CSMD1: variants seen among roughly 807,000 people sequenced by gnomAD.
CSMD1 encodes CUB and Sushi multiple domains 1.
A neutral mutation model predicts 417.5 loss-of-function variants in CSMD1; 213 were observed. That is an observed-to-expected ratio of 0.51 (90% CI 0.46 to 0.57). CSMD1 has a LOEUF of 0.57. Ranked by LOEUF, CSMD1 falls within the 20% of genes least tolerant of loss-of-function variation. The pLI, the probability that CSMD1 is intolerant of heterozygous loss-of-function variation, is 0.00. For synonymous variants in CSMD1, 2,862 were observed against 1,736.8 expected (o/e 1.65, Z -16.11); for missense variants, 6,923 against 4,529.7 (o/e 1.53, Z -15.17).
In CSMD1 at chr8:3,348,052, G is replaced by C. The variant is rs374314633; in HGVS notation, c.3414C>G (p.Ala1138=). 1.4e-5 allele frequency: 23 copies of C among 1,611,292 alleles called. No individual in the cohort carries two copies. The African/African-American group carries it at 3.1e-4, about 21-fold the overall frequency. ...GTGTTCTAAGGTGGATGCCCTTGCC[G>C]GCTTCTGTTTCTATTTTATAGATAC... is the stretch of plus-strand genomic sequence containing the variant. ...HECIYKIETE[A]GKGIHLRTRS... The change falls in exon 22 of 70, where the codon GCC becomes GCG. Residue 1138 remains alanine, a synonymous_variant. Coordinates refer to ENST00000635120, the MANE Select transcript of CSMD1 (RefSeq NM_033225.6).
At chr8:3,997,405 T>G (rs1028238505) in intron 5 of CSMD1, among the ~76,000 whole-genome samples, 1 of 136,750 alleles carries the variant, frequency 7.3e-6, no homozygotes, top group African/African-American at 2.5e-5. Flanking sequence ...AAGATGTGTG[T>G]TAAGTTATTT....
intron 2 of CSMD1, among the ~76,000 whole-genome samples, chr8:4,604,386 T>TGTGTGTGTGTGTGTGC (rs1378870750): frequency 1.3e-5 from 1 of 75,848 alleles, no homozygotes; most frequent in Non-Finnish European, 3.9e-5. Context: ...TAGCATTGTG[T>TGTGTGTGTGTGTGTGC]GTGTGTGTGT....
intron 2 of CSMD1, among the ~76,000 whole-genome samples, chr8:4,545,425 C>T (rs1797584989): frequency 6.6e-6 from 1 of 152,108 alleles, no homozygotes; most frequent in Non-Finnish European, 1.5e-5. Context: ...AATAAGAGTC[C>T]TACATATTAG....
intron 7 of CSMD1, among the ~76,000 whole-genome samples, chr8:3,690,692 T>C (rs1339206695): frequency 6.6e-6 from 1 of 152,172 alleles, no homozygotes; most frequent in Non-Finnish European, 1.5e-5. Context: ...GGCTGAGAAG[T>C]ACATAAAGCG....
intron 5 of CSMD1, among the ~76,000 whole-genome samples, chr8:3,777,315 A>T (rs1367383578): frequency 6.6e-6 from 1 of 152,094 alleles, no homozygotes; most frequent in Non-Finnish European, 1.5e-5. Flanking sequence ...TGGACAAATG[A>T]CTGATAATCC....
At chr8:4,308,799 A>G (rs1445605690) in intron 3 of CSMD1, among the ~76,000 whole-genome samples, 1 of 152,176 alleles carries the variant, frequency 6.6e-6, no homozygotes, top group Non-Finnish European at 1.5e-5. Context: ...TTCACAGATG[A>G]GTTATTATGC....
intron 3 of CSMD1, among the ~76,000 whole-genome samples, chr8:4,360,302 G>A (rs1356047151): frequency 6.6e-6 from 1 of 152,124 alleles, no homozygotes; most frequent in Non-Finnish European, 1.5e-5. Context: ...GTCCCCAAAT[G>A]CATCCAGCTC....
intron 1 of CSMD1, among the ~76,000 whole-genome samples, chr8:4,720,248 C>T (rs1003457441): frequency 2.6e-5 from 4 of 151,664 alleles, no homozygotes; most frequent in South Asian, 2.1e-4. Flanking sequence ...GGGAATGTAT[C>T]ATTTTTGGAA....
chr8:4,093,580 G>T (rs1461372662), intron 3 of CSMD1, among the ~76,000 whole-genome samples: 1 of 152,134 alleles, frequency 6.6e-6, no homozygotes, highest in Admixed American at 6.6e-5. Flanking sequence ...GAAAAAAAGT[G>T]GCAGAATATC....
At chr8:3,397,463 G>C (rs546026925) in intron 16 of CSMD1, among the ~76,000 whole-genome samples, 7 of 152,292 alleles carry the variant, frequency 4.6e-5, no homozygotes, top group African/African-American at 1.4e-4. Flanking sequence ...CCTGCAACTA[G>C]TGAATGTGGT....
rs182254978 is a variant in CSMD1, at chr8:4,022,790, T to C, written c.610+9115A>G. Among the ~76,000 whole-genome samples, 5 of 152,304 alleles carry C rather than the reference T, an allele frequency of 3.3e-5. No individual in the cohort carries two copies. In the East Asian group the frequency reaches 9.7e-4, roughly 29 times the overall value. ...GAGAAAACAATTGTATTCCACATAT[T>C]AAGCAATCGTGTAAGTTAGAGAAAC... On this transcript the variant is annotated intron_variant, in intron 4 of 69. Transcript: ENST00000635120.
chr8:4,663,680 T>C (rs1804748535), intron 1 of CSMD1, among the ~76,000 whole-genome samples: 1 of 152,190 alleles, frequency 6.6e-6, no homozygotes. Flanking sequence ...CAGCCATGCT[T>C]CCGGTCCAGC....
intron 1 of CSMD1, among the ~76,000 whole-genome samples, chr8:4,965,763 G>A (rs1479790210): frequency 6.6e-6 from 1 of 152,034 alleles, no homozygotes; most frequent in African/African-American, 2.4e-5. Context: ...TATTTAGGAA[G>A]GAAAAACTGC....
At chr8:3,171,278 T>C (rs1820567486) in intron 37 of CSMD1, among the ~76,000 whole-genome samples, 1 of 152,208 alleles carries the variant, frequency 6.6e-6, no homozygotes. Context: ...TTTTTACTTA[T>C]TCAACAGGAA....
chr8:3,180,992 C>G (rs1821286201), intron 37 of CSMD1, 118 bp downstream of exon 37: 3 of 697,804 alleles, frequency 4.3e-6, no homozygotes, highest in East Asian at 2.8e-5. Context: ...TCATGCAAGT[C>G]TTTCACAGTT....
chr8:3,751,883 A>G (rs1043595093), intron 6 of CSMD1, among the ~76,000 whole-genome samples: 1 of 152,200 alleles, frequency 6.6e-6, no homozygotes, highest in African/African-American at 2.4e-5. Flanking sequence ...AGATCAATTT[A>G]CATTTTAGAG....
intron 1 of CSMD1, among the ~76,000 whole-genome samples, chr8:4,646,971 C>G (rs1003444450): frequency 1.3e-5 from 2 of 152,186 alleles, no homozygotes; most frequent in African/African-American, 2.4e-5. Context: ...CATTTTCTCT[C>G]TCCCGGGATG....
At chr8:4,714,039 G>A (rs1808483892) in intron 1 of CSMD1, among the ~76,000 whole-genome samples, 3 of 152,046 alleles carry the variant, frequency 2.0e-5, no homozygotes, top group South Asian at 2.1e-4. Context: ...CAGCTACTCG[G>A]GAGACTGAGG....
chr8:4,341,878 T>C (rs1050956346), intron 3 of CSMD1, among the ~76,000 whole-genome samples: 1 of 152,082 alleles, frequency 6.6e-6, no homozygotes. Context: ...ATGTTAACCT[T>C]CCACACCACT....
Sources: gnomAD v4.1 joint callset for allele counts (sites outside exome capture counted in the v4.1 genomes callset) on GRCh38, gnomAD v4.1.1 for gene constraint, MANE v1.5 for transcripts, NCBI Gene and HGNC (gene_info 2026-07-23, HGNC 2026-07-21) for gene names.